The following DAPK2 variants were observed in gnomAD, a reference collection of about 807,000 sequenced individuals.
DAPK2 encodes the protein death-associated protein kinase 2.
A neutral mutation model predicts 44.1 loss-of-function variants in DAPK2; 35 were observed. The ratio of observed to expected loss-of-function variants is 0.79; its 90% CI spans 0.61 to 1.05. The LOEUF (loss-of-function observed/expected upper bound fraction) is 1.05, where lower values mean the gene tolerates loss of function less well. DAPK2 is among the 50% of genes least tolerant of loss of function. The pLI is 0.00. For synonymous variants in DAPK2, 174 were observed against 182.6 expected (o/e 0.95, Z 0.38); for missense variants, 453 against 483.2 (o/e 0.94, Z 0.59).
chr15:63,936,415 T>C (rs868193089), intron 4 of DAPK2, among the ~76,000 whole-genome samples: 2 of 151,708 alleles, frequency 1.3e-5, no homozygotes, highest in South Asian at 4.2e-4. Context: ...GTTCGAGACC[T>C]GCCTGGCCAA....
rs2079510148 is a variant in DAPK2, at chr15:63,930,469, T to C, written c.584-14A>G. 4 of 1,613,714 alleles carry C rather than the reference T, an allele frequency of 2.5e-6. No individual in the cohort carries two copies. The highest frequency in any genetic ancestry group is 4.5e-5 in the East Asian group (2 of 44,886). On this transcript the variant is annotated splice_polypyrimidine_tract_variant and intron_variant, in intron 4 of 10. Transcript: ENST00000261891. ...CAATTTCTGGAGCTGAAAGAAGTCA[T>C]ATTAAATAGTCAACATGAGTGTGAA...
chr15:64,014,984 C>T (rs2079485438), intron 1 of DAPK2, among the ~76,000 whole-genome samples: 1 of 150,858 alleles, frequency 6.6e-6, no homozygotes, highest in African/African-American at 2.4e-5. Flanking sequence ...GATAAAGTAC[C>T]AGATGCGTTG....
At chr15:64,040,897 G>GAAAAAAAAAA, upstream of DAPK2, among the ~76,000 whole-genome samples, 2 of 83,446 alleles carry the variant, frequency 2.4e-5, no homozygotes, top group Non-Finnish European at 2.4e-5. Context: ...CTGGGCAACA[G>GAAAAAAAAAA]AAAAAAAAAA....
At chr15:64,038,280 A>G (rs1168174078) in intron 1 of DAPK2, among the ~76,000 whole-genome samples, 1 of 152,114 alleles carries the variant, frequency 6.6e-6, no homozygotes, top group African/African-American at 2.4e-5. Flanking sequence ...CTTTGTACCC[A>G]CAGTACTCAG....
At chr15:63,995,965 A>G (rs2078941273) in intron 1 of DAPK2, among the ~76,000 whole-genome samples, 1 of 152,238 alleles carries the variant, frequency 6.6e-6, no homozygotes, top group Non-Finnish European at 1.5e-5. Flanking sequence ...ATGTTTGTCT[A>G]CCTCATTTCA....
intron 3 of DAPK2, among the ~76,000 whole-genome samples, chr15:63,958,282 A>T (rs2077784973): frequency 6.6e-6 from 1 of 151,556 alleles, no homozygotes; most frequent in Non-Finnish European, 1.5e-5. Flanking sequence ...GATTGTAAAA[A>T]TTTTCTCCCA....
chr15:63,964,312 G>T (rs2077991531), intron 3 of DAPK2, among the ~76,000 whole-genome samples: 1 of 152,186 alleles, frequency 6.6e-6, no homozygotes. Flanking sequence ...AAAGTCTGCT[G>T]CCAGACATAT....
chr15:63,947,650 A>C (rs1255785185), intron 3 of DAPK2, among the ~76,000 whole-genome samples: 1 of 152,228 alleles, frequency 6.6e-6, no homozygotes, highest in Non-Finnish European at 1.5e-5. Context: ...ACCTATCTCA[A>C]GAGGGTTACT....
At chr15:63,935,568 T>C (rs1054733470) in intron 4 of DAPK2, 1 of 152,248 alleles carries the variant, frequency 6.6e-6, no homozygotes, top group Non-Finnish European at 1.5e-5. Context: ...CTGCTTTGTC[T>C]TGGTACCCTT....
intron 3 of DAPK2, among the ~76,000 whole-genome samples, chr15:63,949,808 T>G (rs1380844): frequency 0.49 from 74,467 of 152,128 alleles, 19,457 homozygotes; most frequent in East Asian, 0.97. Context: ...GTCACTCATC[T>G]CTTTCAGCCT....
intron 1 of DAPK2, among the ~76,000 whole-genome samples, chr15:64,037,427 T>C (rs1302392506): frequency 6.6e-6 from 1 of 152,230 alleles, no homozygotes; most frequent in Non-Finnish European, 1.5e-5. Flanking sequence ...CATCAATCCC[T>C]TGCAGGGCAT....
At chr15:63,936,979 CAAAAAA>C (rs56052031) in intron 4 of DAPK2, among the ~76,000 whole-genome samples, 37 of 129,824 alleles carry the variant, frequency 2.9e-4, no homozygotes, top group African/African-American at 4.6e-4. Flanking sequence ...GACCCTGTCT[CAAAAAA>C]AAAAAAAAAA....
intron 3 of DAPK2, among the ~76,000 whole-genome samples, chr15:63,965,247 G>A (rs1347191982): frequency 6.6e-6 from 1 of 152,238 alleles, no homozygotes; most frequent in East Asian, 1.9e-4. Context: ...ATAAGATCCA[G>A]AAAAATTATC....
chr15:64,036,067 C>G (rs1207642552), intron 1 of DAPK2, among the ~76,000 whole-genome samples: 4 of 151,596 alleles, frequency 2.6e-5, no homozygotes, highest in Non-Finnish European at 5.9e-5. Context: ...TCGAGACCAT[C>G]CTGGCCAGCA....
chr15:63,931,066 A>G (rs995773213), intron 4 of DAPK2, among the ~76,000 whole-genome samples: 2 of 152,100 alleles, frequency 1.3e-5, no homozygotes, highest in Admixed American at 6.6e-5. Context: ...CCCATCTTAA[A>G]AAAAAGAGAA....
At chr15:64,033,085 C>G (rs2080062674) in intron 1 of DAPK2, among the ~76,000 whole-genome samples, 2 of 151,688 alleles carry the variant, frequency 1.3e-5, no homozygotes, top group South Asian at 4.2e-4. Context: ...GACTCCATCT[C>G]AAAAATAAAT....
rs56047843 is a variant in DAPK2, at chr15:63,983,669, G to A, written c.178C>T (p.Arg60Trp). ...CGGCTCACACCGCGCCGGCTCGCCC[G>A]GCTCTGCCGCTTCTTGATGAACTTG... is the stretch of plus-strand genomic sequence containing the variant. The change falls in exon 2 of 11, where the codon CGG becomes TGG. Residue 60 changes from arginine to tryptophan, a missense_variant. Arg to Trp is a moderately radical substitution (Grantham distance 101). Coordinates refer to ENST00000261891, the Ensembl canonical transcript of DAPK2. The A allele has an allele frequency of 1.7e-4, 268 of 1,613,906 alleles. 2 individuals carry two copies. The East Asian group carries it at 4.2e-3, about 25-fold the overall frequency.
chr15:63,931,099 G>A (rs538064373), intron 4 of DAPK2, among the ~76,000 whole-genome samples: 3 of 151,988 alleles, frequency 2.0e-5, no homozygotes, highest in Non-Finnish European at 4.4e-5. Flanking sequence ...AGAGGCCTGA[G>A]AGAACTTGTT....
intron 3 of DAPK2, among the ~76,000 whole-genome samples, chr15:63,969,613 C>T (rs139832941): frequency 7.9e-5 from 12 of 152,054 alleles, no homozygotes; most frequent in Non-Finnish European, 1.3e-4. Flanking sequence ...TGGTGGCACA[C>T]GCCTTTAGTC....
Sources: allele counts gnomAD v4.1 joint callset (sites outside exome capture counted in the v4.1 genomes callset), GRCh38; gene constraint gnomAD v4.1.1; transcripts MANE v1.5; gene names NCBI Gene and HGNC (gene_info 2026-07-23, HGNC 2026-07-21).